Variants in AACS observed in about 807,000 individuals in gnomAD.
The protein encoded by AACS is acetoacetyl-CoA synthetase.
In AACS, 69 loss-of-function variants were observed where a neutral mutation model predicts 83.1. That is an observed-to-expected ratio of 0.83 (90% confidence interval 0.68 to 1.01). The LOEUF (loss-of-function observed/expected upper bound fraction) is 1.01. Ranked by LOEUF, AACS falls within the 50% of genes least tolerant of loss-of-function variation. The probability of loss-of-function intolerance (pLI) is 0.00; values close to 1 mark genes in which losing one functional copy is unlikely to be tolerated. For synonymous variants in AACS, 333 were observed against 343.4 expected (o/e 0.97, Z 0.33); for missense variants, 866 against 882.2 (o/e 0.98, Z 0.23).
intron 16 of AACS, 59 bp downstream of exon 16, chr12:125,134,911 G>C: frequency 6.3e-7 from 1 of 1,598,802 alleles, no homozygotes; most frequent in Non-Finnish European, 8.6e-7. Flanking sequence ...GGGTCCTGGC[G>C]GGAGCCCCAG....
intron 2 of AACS, among the ~76,000 whole-genome samples, 195 bp downstream of exon 2, chr12:125,074,174 T>C (rs767174266): frequency 3.9e-5 from 6 of 152,126 alleles, no homozygotes; most frequent in African/African-American, 7.2e-5. Flanking sequence ...AATCCTCTGT[T>C]GTATGGGGAC....
intron 12 of AACS, chr12:125,127,865 G>A (rs1957270628): frequency 4.3e-6 from 1 of 231,118 alleles, no homozygotes; most frequent in African/African-American, 2.3e-5. Flanking sequence ...TCCATTTTCT[G>A]CGATCCTGAG....
At chr12:125,111,885 CA>C (rs1397452567) in intron 8 of AACS, among the ~76,000 whole-genome samples, 2 of 151,958 alleles carry the variant, frequency 1.3e-5, no homozygotes, top group African/African-American at 4.8e-5. Flanking sequence ...AAGAGTCACA[CA>C]GAGAAATTCT....
rs1407334669 is a variant in AACS at position 125,129,059 on chromosome 12, G to A, written c.1424-276G>A. ...AGAGTGACGACATATGCTATTCAAG[G>A]ATGCGTGTGGATGGAGCAGAAATGT... On this transcript the variant is annotated intron_variant, in intron 13 of 17. Coordinates refer to ENST00000316519, the MANE Select transcript of AACS (RefSeq NM_023928.5). This position sits in a 1 kb window ranked among gnomAD's most constrained non-coding sequence, Gnocchi z 4.3. 3.4e-6 allele frequency: 1 copy of A among 293,230 alleles called. No homozygotes were observed. The highest frequency in any genetic ancestry group is 8.2e-5 in the East Asian group (1 of 12,226). The allele number at this position is 293,230 out of a possible 1,614,324, so 18.2% of individuals were successfully genotyped here.
At chr12:125,069,172 C>T (rs529558653) in intron 1 of AACS, among the ~76,000 whole-genome samples, 21 of 152,260 alleles carry the variant, frequency 1.4e-4, no homozygotes, top group East Asian at 9.7e-4. Context: ...AGACAGTGCC[C>T]GCGAACTCGT....
intron 8 of AACS, among the ~76,000 whole-genome samples, chr12:125,109,207 C>T (rs1176518788): frequency 6.6e-6 from 1 of 152,154 alleles, no homozygotes; most frequent in Non-Finnish European, 1.5e-5. Flanking sequence ...TCATGGCTCA[C>T]TGCAACCTCT....
intron 3 of AACS, among the ~76,000 whole-genome samples, chr12:125,081,610 A>G (rs897834272): frequency 6.6e-6 from 1 of 152,224 alleles, no homozygotes; most frequent in African/African-American, 2.4e-5. Flanking sequence ...TTAAAAAAAT[A>G]CATACATGTG....
chr12:125,114,150 G>T (rs923734893), intron 8 of AACS, among the ~76,000 whole-genome samples: 1 of 152,082 alleles, frequency 6.6e-6, no homozygotes, highest in Non-Finnish European at 1.5e-5. Flanking sequence ...CTCAGGAAGG[G>T]TCACTTCTCT....
At chr12:125,080,180 C>T (rs1205965101) in intron 3 of AACS, among the ~76,000 whole-genome samples, 2 of 152,194 alleles carry the variant, frequency 1.3e-5, no homozygotes, top group East Asian at 1.9e-4. Flanking sequence ...TCGCCTCTTT[C>T]GTAATCCTGA....
At chr12:125,101,548 G>A (rs1314171111) in intron 5 of AACS, 1 of 152,154 alleles carries the variant, frequency 6.6e-6, no homozygotes, top group African/African-American at 2.4e-5. Context: ...TGCTGTTGTG[G>A]CCTCTTTGGA....
intron 3 of AACS, among the ~76,000 whole-genome samples, chr12:125,084,522 G>C (rs1252440037): frequency 6.6e-6 from 1 of 151,600 alleles, no homozygotes; most frequent in Non-Finnish European, 1.5e-5. Context: ...TCCCATCTCA[G>C]CCTCCCAAGC....
chr12:125,070,256 C>G (rs920708341), intron 1 of AACS, among the ~76,000 whole-genome samples: 1 of 152,208 alleles, frequency 6.6e-6, no homozygotes, highest in Non-Finnish European at 1.5e-5. Flanking sequence ...AACCCTGTGT[C>G]TGGCTCACTG....
chr12:125,090,530 A>G (rs1956458203), intron 4 of AACS, among the ~76,000 whole-genome samples: 1 of 146,762 alleles, frequency 6.8e-6, no homozygotes, highest in South Asian at 2.2e-4. Flanking sequence ...CCACTCATCT[A>G]TCCTTCACTC....
chr12:125,072,887 A>C (rs149676361), intron 1 of AACS, among the ~76,000 whole-genome samples: 1,877 of 151,854 alleles, frequency 0.012, 22 homozygotes, highest in Middle Eastern at 0.048. Context: ...TTGTGGAATA[A>C]AAGGAGGGAG....
At position 125,076,487 on chromosome 12, in the gene AACS, A is replaced by G. The variant is rs758588639; in HGVS notation, c.238-4A>G. ...GCGTCTTGGTTTGTTGTCATTCTCT[A>G]TAGGTTGTGGACACATCGAAAGGAA... On this transcript the variant is annotated splice_polypyrimidine_tract_variant and splice_region_variant and intron_variant, in intron 2 of 17. Transcript: ENST00000316519. 13 of 1,613,616 alleles carry G rather than the reference A, an allele frequency of 8.1e-6. No homozygotes were observed. The highest frequency in any genetic ancestry group is 6.6e-5 in the South Asian group (6 of 91,044).
intron 4 of AACS, among the ~76,000 whole-genome samples, chr12:125,086,895 C>T (rs1020730920): frequency 4.6e-5 from 7 of 151,910 alleles, no homozygotes; most frequent in Admixed American, 4.6e-4. Flanking sequence ...AGGAGTTAGC[C>T]CTGCAGTGAG....
intron 10 of AACS, 143 bp from the exon 11 acceptor site, chr12:125,124,562 A>C: frequency 1.1e-6 from 1 of 874,624 alleles, no homozygotes; most frequent in Non-Finnish European, 1.8e-6. Context: ...AGACTCGAGT[A>C]AACATGAAGT....
chr12:125,080,555 G>T (rs550973352), intron 3 of AACS, among the ~76,000 whole-genome samples: 2 of 151,690 alleles, frequency 1.3e-5, no homozygotes, highest in African/African-American at 4.8e-5. Flanking sequence ...GCCCTGTCTC[G>T]AGGGTGGGTT....
rs202024468 is a variant in AACS, at chr12:125,142,157, G to C, written c.1947G>C (p.Glu649Asp). Residue 649 changes from glutamate to aspartate, a missense_variant, in exon 18 of 18, where the codon GAG becomes GAC. Physicochemically the swap from Glu to Asp is conservative, Grantham distance 45. Coordinates refer to ENST00000316519, the MANE Select transcript of AACS (RefSeq NM_023928.5). ...VKQIIAGKAV[E>D]QGGAFSNPET... is the part of the protein sequence containing the mutation. ...AGATCATCGCTGGAAAAGCCGTGGAGCAAGGAGGTGCTTTCTCGAACCCCG... is the reference window on the plus strand; with the variant it reads ...AGATCATCGCTGGAAAAGCCGTGGACCAAGGAGGTGCTTTCTCGAACCCCG... 6.2e-7 allele frequency: 1 copy of C among 1,614,198 alleles called. No individual in the cohort carries two copies. The highest frequency in any genetic ancestry group is 8.5e-7 in the Non-Finnish European group (1 of 1,180,042).
Sources: gnomAD v4.1 joint callset for allele counts (sites outside exome capture counted in the v4.1 genomes callset) on GRCh38, gnomAD v4.1.1 for gene constraint, Gnocchi (gnomAD v3.1) non-coding constraint, MANE v1.5 for transcripts, NCBI Gene and HGNC (gene_info 2026-07-23, HGNC 2026-07-21) for gene names.